The following WDPCP variants were observed in gnomAD, a reference collection of about 807,000 sequenced individuals.
WDPCP encodes WD repeat-containing and planar cell polarity effector protein fritz homolog.
In WDPCP, 71 loss-of-function variants were observed where a neutral mutation model predicts 93.1. That is an observed-to-expected ratio of 0.76 (90% CI 0.63 to 0.93). WDPCP has a LOEUF of 0.93. Ranked by LOEUF, WDPCP falls within the 40% of genes least tolerant of loss-of-function variation. WDPCP has a pLI of 0.00. For synonymous variants in WDPCP, 315 were observed against 315.0 expected (o/e 1.00, Z 0.00); for missense variants, 844 against 887.4 (o/e 0.95, Z 0.62).
At chr2:63,766,274 A>G (rs1432791585) in intron 2 of WDPCP, among the ~76,000 whole-genome samples, 1 of 152,160 alleles carries the variant, frequency 6.6e-6, no homozygotes. Flanking sequence ...TATTTAAGGT[A>G]TGTTTTTAAA....
At chr2:63,246,356 G>T (rs1574972538) in intron 14 of WDPCP, among the ~76,000 whole-genome samples, 1 of 152,212 alleles carries the variant, frequency 6.6e-6, no homozygotes, top group East Asian at 1.9e-4. Flanking sequence ...GGTGATGACT[G>T]CAAGATTTTG....
intron 14 of WDPCP, among the ~76,000 whole-genome samples, chr2:63,179,369 C>T (rs1674065786): frequency 6.6e-6 from 1 of 151,638 alleles, no homozygotes; most frequent in South Asian, 2.1e-4. Context: ...TGGAAGGTGA[C>T]TGGATTATGG....
intron 6 of WDPCP, among the ~76,000 whole-genome samples, chr2:63,482,958 T>C (rs1351382475): frequency 1.3e-5 from 2 of 151,984 alleles, no homozygotes; most frequent in African/African-American, 4.8e-5. Flanking sequence ...ATATATTTTA[T>C]CATGAAAATT....
chr2:63,307,454 A>G (rs1685829685), intron 13 of WDPCP, among the ~76,000 whole-genome samples: 1 of 152,214 alleles, frequency 6.6e-6, no homozygotes, highest in Non-Finnish European at 1.5e-5. Flanking sequence ...CAAAAAGAAC[A>G]AAGCTGGAGG....
intron 3 of WDPCP, among the ~76,000 whole-genome samples, chr2:63,625,791 C>T (rs1242089604): frequency 2.6e-5 from 4 of 152,086 alleles, no homozygotes; most frequent in Non-Finnish European, 5.9e-5. Flanking sequence ...CAATGCTATC[C>T]CCATCAAGCT....
chr2:63,651,936 G>A (rs920292359), intron 2 of WDPCP, among the ~76,000 whole-genome samples: 5 of 152,250 alleles, frequency 3.3e-5, no homozygotes, highest in South Asian at 2.1e-4. Context: ...TTATCTGGCC[G>A]TGTGTTCCTG....
intron 14 of WDPCP, among the ~76,000 whole-genome samples, chr2:63,253,009 A>G (rs1019429185): frequency 3.3e-5 from 5 of 152,178 alleles, no homozygotes; most frequent in African/African-American, 1.2e-4. Flanking sequence ...ACCCAACTTT[A>G]AACTATACTA....
intron 2 of WDPCP, among the ~76,000 whole-genome samples, chr2:63,783,900 G>C (rs1186104402): frequency 6.6e-6 from 1 of 152,082 alleles, no homozygotes; most frequent in African/African-American, 2.4e-5. Context: ...AATTGCACTT[G>C]TACCCCTTAA....
In WDPCP at chr2:63,404,177, T is replaced by C. The variant is rs1694370447; in HGVS notation, c.1306A>G (p.Ser436Gly). The C allele has an allele frequency of 6.2e-7, 1 of 1,613,968 alleles. No homozygotes were observed. Among genetic ancestry groups the C allele is most frequent in the Admixed American group, 1.7e-5 (1 of 59,984 alleles). The change falls in exon 10 of 18, where the codon AGC becomes GGC. Residue 436 changes from serine (S) to glycine (G), a missense_variant. Coordinates refer to ENST00000272321, the MANE Select transcript of WDPCP (RefSeq NM_015910.7). ...LQFSKLFDAS[S>G]SLVQMQWIAP... ...ATCCATTGCATTTGAACAAGACTGC[T>C]GGAGGCATCAAATAATTTACTGAAT...
At chr2:63,371,527 C>T (rs1345911419) in intron 12 of WDPCP, among the ~76,000 whole-genome samples, 2 of 152,130 alleles carry the variant, frequency 1.3e-5, no homozygotes, top group Non-Finnish European at 1.5e-5. Context: ...TGGCCACTTG[C>T]TGCCTCTCTG....
chr2:63,193,525 T>C (rs2104251485), intron 14 of WDPCP, among the ~76,000 whole-genome samples: 1 of 152,296 alleles, frequency 6.6e-6, no homozygotes, highest in East Asian at 1.9e-4. Context: ...TTGCTGTGTT[T>C]TCCAGGCTGG....
intron 13 of WDPCP, among the ~76,000 whole-genome samples, chr2:63,301,584 G>T (rs1335216921): frequency 6.6e-6 from 1 of 152,164 alleles, no homozygotes; most frequent in Non-Finnish European, 1.5e-5. Flanking sequence ...CACAGGCAGA[G>T]AACTAGAGCC....
intron 11 of WDPCP, 42 bp downstream of exon 11, chr2:63,381,864 G>T: frequency 6.3e-7 from 1 of 1,595,308 alleles, no homozygotes; most frequent in Non-Finnish European, 8.6e-7. Context: ...TCTATTTCAT[G>T]TATATACAAA....
chr2:63,684,155 A>C (rs1445616560), intron 2 of WDPCP: 1 of 293,348 alleles, frequency 3.4e-6, no homozygotes, highest in Non-Finnish European at 6.6e-6. Context: ...TTCATCCAAC[A>C]GCTGCAGAAT....
chr2:63,681,017 T>C (rs189707930), intron 2 of WDPCP, among the ~76,000 whole-genome samples: 18 of 152,086 alleles, frequency 1.2e-4, no homozygotes, highest in African/African-American at 2.9e-4. Flanking sequence ...AAAGAAACCT[T>C]GGGCCCTGAA....
At chr2:63,455,431 T>TACAC (rs1321107863) in intron 6 of WDPCP, among the ~76,000 whole-genome samples, 108 of 149,240 alleles carry the variant, frequency 7.2e-4, no homozygotes, top group African/African-American at 2.6e-3. Context: ...TATATATATA[T>TACAC]ATATATATAC....
chr2:63,796,801 G>A (rs1262875902), intron 2 of WDPCP, among the ~76,000 whole-genome samples: 2 of 152,180 alleles, frequency 1.3e-5, no homozygotes, highest in South Asian at 2.1e-4. Flanking sequence ...GCAAGTCCTC[G>A]TGTTGTGCTG....
intron 11 of WDPCP, among the ~76,000 whole-genome samples, chr2:63,379,249 G>C (rs953337952): frequency 5.9e-5 from 9 of 152,158 alleles, no homozygotes; most frequent in Non-Finnish European, 1.0e-4. Context: ...ATAATGGTGA[G>C]AGTAAGAGTA....
intron 12 of WDPCP, among the ~76,000 whole-genome samples, chr2:63,343,669 A>T (rs1235822374): frequency 6.6e-6 from 1 of 152,146 alleles, no homozygotes; most frequent in Non-Finnish European, 1.5e-5. Flanking sequence ...ATATGCTGCT[A>T]TGCTGCATAT....
Sources: allele counts gnomAD v4.1 joint callset (sites outside exome capture counted in the v4.1 genomes callset), GRCh38; gene constraint gnomAD v4.1.1; transcripts MANE v1.5; gene names NCBI Gene and HGNC (gene_info 2026-07-23, HGNC 2026-07-21).